PGBD5: variants seen among roughly 807,000 people sequenced by gnomAD.
The protein encoded by PGBD5 is piggyBac transposable element derived 5, also known as piggyBac transposable element-derived protein 5.
A neutral mutation model predicts 47.9 loss-of-function variants in PGBD5; 14 were observed. The observed-to-expected ratio is 0.29, with a 90% CI of 0.19 to 0.46. The LOEUF (loss-of-function observed/expected upper bound fraction) is 0.46, where lower values mean the gene tolerates loss of function less well. Among genes scored for constraint, PGBD5 ranks in the 20% least tolerant of loss-of-function variants. PGBD5 has a pLI of 1.00. For synonymous variants in PGBD5, 316 were observed against 306.3 expected (o/e 1.03, Z -0.33); for missense variants, 635 against 716.0 (o/e 0.89, Z 1.29).
chr1:230,379,596 C>A (rs978269508), intron 1 of PGBD5, among the ~76,000 whole-genome samples: 2 of 152,256 alleles, frequency 1.3e-5, no homozygotes, highest in African/African-American at 2.4e-5. Context: ...GCATGCAATG[C>A]CCTTCAGGCC....
At chr1:230,423,173 A>G (rs1045376586) in intron 1 of PGBD5, among the ~76,000 whole-genome samples, 1 of 152,198 alleles carries the variant, frequency 6.6e-6, no homozygotes, top group Non-Finnish European at 1.5e-5. Flanking sequence ...GCAAGGCAGG[A>G]AGCCTCTATC....
At chr1:230,324,522 G>A (rs115109176) in intron 6 of PGBD5, among the ~76,000 whole-genome samples, 4,040 of 152,310 alleles carry the variant, frequency 0.027, 85 homozygotes, top group South Asian at 0.11. Flanking sequence ...TTTCCAGAGA[G>A]AACCAGGTCC....
intron 6 of PGBD5, among the ~76,000 whole-genome samples, chr1:230,324,956 G>A (rs899712790): frequency 6.6e-6 from 1 of 152,228 alleles, no homozygotes; most frequent in African/African-American, 2.4e-5. Context: ...AAGGAGGACA[G>A]CAATTCAGAA....
rs553193664 is a variant in PGBD5 at position 230,404,474 on chromosome 1, G to A, written c.331+21124C>T. ...TAAAAAATTAGCCAAGTGTGGTGGCGCGCACCTGTGGTCCCAGGTACTTGG... is the reference window on the plus strand; with the variant it reads ...TAAAAAATTAGCCAAGTGTGGTGGCACGCACCTGTGGTCCCAGGTACTTGG... On this transcript the variant is annotated intron_variant, in intron 1 of 6. Coordinates refer to ENST00000391860, the MANE Select transcript of PGBD5 (RefSeq NM_001258311.2). 7.4e-4 allele frequency among the ~76,000 whole-genome samples: 113 copies of A among 151,738 alleles called. 1 individual carries two copies. The highest frequency in any genetic ancestry group is 2.3e-3 in the South Asian group (11 of 4,778).
At chr1:230,370,098 C>A (rs1053251586) in intron 1 of PGBD5, among the ~76,000 whole-genome samples, 1 of 152,128 alleles carries the variant, frequency 6.6e-6, no homozygotes, top group Non-Finnish European at 1.5e-5. Context: ...GAACGTAACA[C>A]GGAAAAGGAG....
chr1:230,361,119 C>G (rs1215086979), intron 1 of PGBD5, among the ~76,000 whole-genome samples: 2 of 152,190 alleles, frequency 1.3e-5, no homozygotes, highest in African/African-American at 4.8e-5. Flanking sequence ...TACCTACATA[C>G]GACTGAAGTC....
In PGBD5 at chr1:230,333,013, C is replaced by A. The variant is rs376986846; in HGVS notation, c.1104G>T (p.Ala368=). 20 of 1,606,944 alleles carry A rather than the reference C, an allele frequency of 1.2e-5. No homozygotes were observed. The highest frequency in any genetic ancestry group is 1.6e-5 in the Non-Finnish European group (19 of 1,176,958). The change falls in exon 5 of 7, where the codon GCG becomes GCT. Residue 368 remains alanine (A), a synonymous_variant. Coordinates refer to ENST00000391860, the MANE Select transcript of PGBD5 (RefSeq NM_001258311.2). ...QGIYCCGLLR[A]RKSDCTGLPL... ...GGAGGCCGGTGCAGTCACTCTTCCG[C>A]GCGCGGAGCAAGCCGCAGCAGTAAA...
intron 1 of PGBD5, among the ~76,000 whole-genome samples, chr1:230,362,792 C>G (rs1297633037): frequency 6.6e-6 from 1 of 152,104 alleles, no homozygotes; most frequent in East Asian, 1.9e-4. Context: ...CTTGGCCCAC[C>G]CAAGGGGAGG....
chr1:230,415,577 T>C (rs1657494786), intron 1 of PGBD5, among the ~76,000 whole-genome samples: 1 of 152,216 alleles, frequency 6.6e-6, no homozygotes, highest in Admixed American at 6.5e-5. Flanking sequence ...ATGAGTGCAG[T>C]GACCACTTCC....
In PGBD5 at chr1:230,426,190, G is replaced by C. The variant is rs913615034; in HGVS notation, c.-262C>G. On this transcript the variant is annotated 5_prime_UTR_variant, in exon 1 of 7. Transcript: ENST00000391860. Reference sequence around the variant, plus strand: ...GGGGCTGGCAGGGGCGACCCAGAGCGGGCGGGACGCAGAGGCTGCGGCCGA... The same window carrying C: ...GGGGCTGGCAGGGGCGACCCAGAGCCGGCGGGACGCAGAGGCTGCGGCCGA... 6.8e-6 allele frequency: 1 copy of C among 147,262 alleles called. No individual in the cohort carries two copies. Among genetic ancestry groups the C allele is most frequent in the African/African-American group, 2.5e-5 (1 of 40,800 alleles). 9.1% of individuals were successfully genotyped at this position (147,262 alleles called of 1,614,324 possible). A position where few individuals can be genotyped will look rare whatever the true frequency, so the allele number is the denominator to read the frequency against.
At chr1:230,392,519 T>C (rs909137057) in intron 1 of PGBD5, among the ~76,000 whole-genome samples, 4 of 152,208 alleles carry the variant, frequency 2.6e-5, no homozygotes, top group African/African-American at 4.8e-5. Context: ...TTTGTTATTT[T>C]ATCTCCGGCT....
intron 1 of PGBD5, among the ~76,000 whole-genome samples, chr1:230,367,274 GC>G (rs535173047): frequency 6.6e-6 from 1 of 152,098 alleles, no homozygotes; most frequent in Non-Finnish European, 1.5e-5. Flanking sequence ...GGCCACCGAT[GC>G]CCCCAACGTG....
At chr1:230,380,306 G>T (rs997519999) in intron 1 of PGBD5, among the ~76,000 whole-genome samples, 4 of 152,244 alleles carry the variant, frequency 2.6e-5, no homozygotes, top group African/African-American at 9.6e-5. Context: ...ATTACACAGA[G>T]AAATTAATCC....
At chr1:230,355,717 G>A (rs958370101) in intron 2 of PGBD5, among the ~76,000 whole-genome samples, 3 of 152,184 alleles carry the variant, frequency 2.0e-5, no homozygotes, top group South Asian at 2.1e-4. Flanking sequence ...AATCCACACG[G>A]GACTGTGGGC....
At chr1:230,412,826 CTG>C (rs1324823891) in intron 1 of PGBD5, among the ~76,000 whole-genome samples, 2 of 152,138 alleles carry the variant, frequency 1.3e-5, no homozygotes, top group Non-Finnish European at 2.9e-5. Context: ...CAGTGCAAAC[CTG>C]TGTTGTTCAA....
chr1:230,351,231 A>G, intron 2 of PGBD5, 139 bp from the exon 3 acceptor site: 1 of 927,766 alleles, frequency 1.1e-6, no homozygotes, highest in Non-Finnish European at 1.5e-6. Flanking sequence ...TCTGATCCTG[A>G]CCCTTCTTAT....
At chr1:230,328,113 C>T (rs1000965038) in intron 5 of PGBD5, among the ~76,000 whole-genome samples, 10 of 152,200 alleles carry the variant, frequency 6.6e-5, no homozygotes, top group Non-Finnish European at 5.9e-5. Flanking sequence ...CCGAAGATCT[C>T]GGGGTTTCCC....
Position 230,315,383 on chromosome 1 carries a change from GC to G in PGBD5, c.*8041del, listed in dbSNP as rs1052828562. 2.2e-5 allele frequency: 3 copies of G among 138,776 alleles called. No individual in the cohort carries two copies. The East Asian group carries it at 5.8e-4, about 27-fold the overall frequency. The allele number at this position is 138,776 out of a possible 1,614,324, so 8.6% of individuals were successfully genotyped here. A position where few individuals can be genotyped will look rare whatever the true frequency, so the allele number is the denominator to read the frequency against. On this transcript the variant is annotated 3_prime_UTR_variant, in exon 7 of 7. Coordinates refer to ENST00000391860, the MANE Select transcript of PGBD5 (RefSeq NM_001258311.2). ...ATATGCACCCGGCGGTCCCCATTCA[GC>G]CCCGGGAGCCACTCGGATCAAGTCT...
chr1:230,367,952 C>T (rs756161200), intron 1 of PGBD5: 2 of 1,365,778 alleles, frequency 1.5e-6, no homozygotes. Context: ...AGCTGGCACA[C>T]CAAGGAGCTC....
Sources: gnomAD v4.1 joint callset for allele counts (sites outside exome capture counted in the v4.1 genomes callset) on GRCh38, gnomAD v4.1.1 for gene constraint, MANE v1.5 for transcripts, NCBI Gene and HGNC (gene_info 2026-07-23, HGNC 2026-07-21) for gene names.